ROBO2: variants seen among roughly 807,000 people sequenced by gnomAD.
The protein encoded by ROBO2 is roundabout guidance receptor 2.
In ROBO2, 53 loss-of-function variants were observed where a neutral mutation model predicts 160.8. The ratio of observed to expected loss-of-function variants is 0.33; its 90% CI spans 0.26 to 0.41. The LOEUF (loss-of-function observed/expected upper bound fraction) is 0.41. Ranked by LOEUF, ROBO2 falls within the 10% of genes least tolerant of loss-of-function variation. The pLI is 1.00. For missense variants in ROBO2, 1,577 were observed against 1,722.4 expected (o/e 0.92, Z 1.49); for synonymous variants, 664 against 611.7 (o/e 1.09, Z -1.26).
intron 2 of ROBO2, among the ~76,000 whole-genome samples, chr3:77,112,689 A>G (rs541424170): frequency 7.5e-4 from 114 of 152,332 alleles, no homozygotes; most frequent in African/African-American, 2.6e-3. Flanking sequence ...GAGAGAATAC[A>G]TTTATTCTAT....
intron 2 of ROBO2, among the ~76,000 whole-genome samples, chr3:76,155,414 G>GA (rs1344134132): frequency 2.0e-5 from 3 of 151,842 alleles, no homozygotes; most frequent in Admixed American, 6.6e-5. Flanking sequence ...TACTGGAAAA[G>GA]AAAAAAATGG....
At chr3:76,498,998 T>G (rs1433652523) in intron 2 of ROBO2, among the ~76,000 whole-genome samples, 4 of 152,182 alleles carry the variant, frequency 2.6e-5, no homozygotes, top group Non-Finnish European at 5.9e-5. Context: ...TTTGTCTGCT[T>G]TTAATGCATG....
At chr3:76,524,056 A>G (rs2081794018) in intron 2 of ROBO2, among the ~76,000 whole-genome samples, 1 of 151,830 alleles carries the variant, frequency 6.6e-6, no homozygotes, top group Non-Finnish European at 1.5e-5. Context: ...TGAAGAAAAT[A>G]AAGTTATCTC....
chr3:77,497,901 G>A (rs1014230871), intron 5 of ROBO2, among the ~76,000 whole-genome samples: 12 of 152,130 alleles, frequency 7.9e-5, no homozygotes, highest in Admixed American at 2.6e-4. Flanking sequence ...TAAAGAAACA[G>A]TATAATACAT....
At chr3:76,558,532 G>T (rs895325549) in intron 2 of ROBO2, among the ~76,000 whole-genome samples, 3 of 151,940 alleles carry the variant, frequency 2.0e-5, no homozygotes, top group Non-Finnish European at 4.4e-5. Flanking sequence ...AAGTACATGG[G>T]CCTTTTTTCC....
intron 2 of ROBO2, among the ~76,000 whole-genome samples, chr3:76,033,383 G>T (rs1438606684): frequency 1.3e-5 from 2 of 152,050 alleles, no homozygotes; most frequent in African/African-American, 2.4e-5. Context: ...AAAAGGCCTA[G>T]GGTCACCTTC....
intron 1 of ROBO2, among the ~76,000 whole-genome samples, chr3:77,077,538 T>C (rs1438649715): frequency 6.6e-6 from 1 of 152,146 alleles, no homozygotes; most frequent in African/African-American, 2.4e-5. Flanking sequence ...GGGTGATTGC[T>C]GGGGTGCGTC....
At chr3:76,797,099 C>T (rs1445606216) in intron 2 of ROBO2, among the ~76,000 whole-genome samples, 2 of 152,088 alleles carry the variant, frequency 1.3e-5, no homozygotes, top group Non-Finnish European at 2.9e-5. Context: ...TCAAATGGAC[C>T]TAACAGATAT....
chr3:77,327,722 A>G (rs2065556252), intron 2 of ROBO2, among the ~76,000 whole-genome samples: 1 of 152,094 alleles, frequency 6.6e-6, no homozygotes, highest in Non-Finnish European at 1.5e-5. Flanking sequence ...TTCAAAAACT[A>G]TGTTGACCCT....
At chr3:76,326,322 C>T (rs1201614605) in intron 2 of ROBO2, among the ~76,000 whole-genome samples, 1 of 152,090 alleles carries the variant, frequency 6.6e-6, no homozygotes, top group African/African-American at 2.4e-5. Context: ...TTTAGTTCTA[C>T]ACTCTAAGAA....
rs542604721 is a variant in ROBO2 at position 75,977,063 on chromosome 3, A to G, written c.109+39461A>G. On this transcript the variant is annotated intron_variant, in intron 2 of 26. Transcript: ENST00000487694. ...GTGTTGAATCACTCTTTCATATAAT[A>G]TCAAAGAATTGCAAAATAATATTTT... is the stretch of plus-strand genomic sequence containing the variant. Among the ~76,000 whole-genome samples, 3 of 151,726 alleles carry G rather than the reference A, an allele frequency of 2.0e-5. No homozygotes were observed. In the South Asian group the frequency reaches 6.2e-4, roughly 31 times the overall value.
chr3:77,045,641 A>T (rs559254399), intron 1 of ROBO2, among the ~76,000 whole-genome samples: 1 of 152,136 alleles, frequency 6.6e-6, no homozygotes, highest in South Asian at 2.1e-4. Flanking sequence ...ATGACCCCCA[A>T]TGAGGAACCA....
intron 2 of ROBO2, among the ~76,000 whole-genome samples, chr3:77,356,835 T>C (rs2069200533): frequency 6.6e-6 from 1 of 152,156 alleles, no homozygotes; most frequent in Non-Finnish European, 1.5e-5. Context: ...GTGATCTAGA[T>C]GATTGAAATA....
At chr3:76,653,004 G>A (rs2091321251) in intron 2 of ROBO2, among the ~76,000 whole-genome samples, 1 of 151,970 alleles carries the variant, frequency 6.6e-6, no homozygotes, top group African/African-American at 2.4e-5. Flanking sequence ...AATTTTCTGA[G>A]GTTCCTTGAG....
chr3:76,824,071 G>A (rs997807280), intron 2 of ROBO2, among the ~76,000 whole-genome samples: 1 of 152,120 alleles, frequency 6.6e-6, no homozygotes, highest in Non-Finnish European at 1.5e-5. Context: ...CCACCCTTTA[G>A]GGCAACGTTG....
chr3:76,850,860 G>A (rs539515125), intron 2 of ROBO2, among the ~76,000 whole-genome samples: 1 of 152,292 alleles, frequency 6.6e-6, no homozygotes, highest in African/African-American at 2.4e-5. Context: ...AGGCACCTAA[G>A]CTCTGGTCCT....
intron 2 of ROBO2, among the ~76,000 whole-genome samples, chr3:76,481,085 A>G (rs1190846444): frequency 6.6e-6 from 1 of 152,142 alleles, no homozygotes; most frequent in Non-Finnish European, 1.5e-5. Context: ...GTGATAGGAG[A>G]TATGAGCAAG....
chr3:76,544,115 G>T (rs949704517), intron 2 of ROBO2, among the ~76,000 whole-genome samples: 2 of 151,922 alleles, frequency 1.3e-5, no homozygotes, highest in Non-Finnish European at 2.9e-5. Context: ...ATGCCACTTT[G>T]CCAAGACTGA....
intron 2 of ROBO2, among the ~76,000 whole-genome samples, chr3:76,756,776 A>C (rs530140374): frequency 6.6e-6 from 1 of 151,972 alleles, no homozygotes; most frequent in Admixed American, 6.6e-5. Context: ...ATTACGAGCA[A>C]ATCTGTCTAC....
Sources: allele counts gnomAD v4.1 joint callset (sites outside exome capture counted in the v4.1 genomes callset), GRCh38; gene constraint gnomAD v4.1.1; transcripts MANE v1.5; gene names NCBI Gene and HGNC (gene_info 2026-07-23, HGNC 2026-07-21).